Variants in GALNT14 observed in about 807,000 individuals in gnomAD.
GALNT14 encodes UDP-GalNAc:polypeptide N-acetylgalactosaminyltransferase 14.
In GALNT14, 60 loss-of-function variants were observed where a neutral mutation model predicts 77.5. The ratio of observed to expected loss-of-function variants is 0.77; its 90% CI spans 0.63 to 0.96. The LOEUF (loss-of-function observed/expected upper bound fraction) is 0.96. GALNT14 is among the 40% of genes least tolerant of loss of function. The pLI, the probability that GALNT14 is intolerant of heterozygous loss-of-function variation, is 0.00. For missense variants in GALNT14, 710 were observed against 731.0 expected (o/e 0.97, Z 0.33); for synonymous variants, 280 against 281.7 (o/e 0.99, Z 0.06).
intron 1 of GALNT14, among the ~76,000 whole-genome samples, chr2:31,114,308 A>G (rs1677990841): frequency 6.6e-6 from 1 of 152,032 alleles, no homozygotes; most frequent in Admixed American, 6.6e-5. Context: ...AAAGAGGACC[A>G]GAAGCTGGAG....
At chr2:30,953,411 C>A (rs960225804) in intron 6 of GALNT14, among the ~76,000 whole-genome samples, 6 of 150,550 alleles carry the variant, frequency 4.0e-5, no homozygotes, top group Admixed American at 2.0e-4. Context: ...CTGGTTCAAG[C>A]GATTCTCCTG....
chr2:30,944,392 G>A (rs1000119710), intron 8 of GALNT14, among the ~76,000 whole-genome samples: 10 of 152,202 alleles, frequency 6.6e-5, no homozygotes, highest in African/African-American at 2.4e-4. Context: ...TCATCTTCCT[G>A]CAGAGAACAG....
At chr2:30,974,369 C>T (rs572747734) in intron 2 of GALNT14, among the ~76,000 whole-genome samples, 11 of 152,246 alleles carry the variant, frequency 7.2e-5, no homozygotes, top group Non-Finnish European at 1.5e-4. Context: ...CATGCTGCAG[C>T]TAGAATGATC....
intron 1 of GALNT14, chr2:31,065,178 T>C (rs1674863899): frequency 6.6e-6 from 1 of 152,110 alleles, no homozygotes; most frequent in South Asian, 2.1e-4. Flanking sequence ...TCATTGGTTT[T>C]ATTATTTTAA....
intron 6 of GALNT14, among the ~76,000 whole-genome samples, chr2:30,946,874 G>A (rs1666727858): frequency 6.6e-6 from 1 of 152,132 alleles, no homozygotes; most frequent in Admixed American, 6.5e-5. Context: ...TTAGCTTCCA[G>A]ACCCAGATAT....
intron 2 of GALNT14, among the ~76,000 whole-genome samples, chr2:30,973,901 G>A (rs1408088954): frequency 1.3e-5 from 2 of 152,150 alleles, no homozygotes; most frequent in Non-Finnish European, 2.9e-5. Context: ...CACCTTTGAA[G>A]TGCTGAACAT....
chr2:30,903,595 A>G, the GALNT14 span, among the ~76,000 whole-genome samples: 1 of 152,200 alleles, frequency 6.6e-6, no homozygotes, highest in Non-Finnish European at 1.5e-5. Context: ...CTGCTGAGTG[A>G]GCTTGGAACA....
chr2:30,911,494 G>C (rs1402852300), intron 14 of GALNT14, among the ~76,000 whole-genome samples: 2 of 152,130 alleles, frequency 1.3e-5, no homozygotes, highest in Admixed American at 1.3e-4. Flanking sequence ...CCAGAGCAGA[G>C]AGGCAGGTCT....
At chr2:30,969,764 C>T (rs766897622) in intron 2 of GALNT14, among the ~76,000 whole-genome samples, 2 of 152,266 alleles carry the variant, frequency 1.3e-5, no homozygotes, top group Admixed American at 6.5e-5. Context: ...GCTGTGGGTA[C>T]GTGAGCCAAT....
chr2:31,126,340 G>A (rs564911349), intron 1 of GALNT14, among the ~76,000 whole-genome samples: 2 of 152,240 alleles, frequency 1.3e-5, no homozygotes, highest in Admixed American at 6.5e-5. Flanking sequence ...AGCTTGGGGT[G>A]AGCATATGGA....
intron 1 of GALNT14, among the ~76,000 whole-genome samples, chr2:31,134,105 C>T (rs557605466): frequency 6.6e-5 from 10 of 152,286 alleles, no homozygotes; most frequent in East Asian, 5.8e-4. Flanking sequence ...CCTAAGACCA[C>T]GAGGAAAAGA....
At position 31,114,598 on chromosome 2, in the gene GALNT14, A is replaced by G. The variant is rs550144788; in HGVS notation, c.129+23360T>C. ...CACACGCACACACAAGAGCAAAAAT[A>G]CAAAGAAATAAAAATCAGGGGCAAA... On this transcript the variant is annotated intron_variant, in intron 1 of 14. Coordinates refer to ENST00000349752, the MANE Select transcript of GALNT14 (RefSeq NM_024572.4). The G allele has an allele frequency of 3.9e-5, 24 of 613,238 alleles. 1 individual carries two copies. In the South Asian group the frequency reaches 4.8e-4, roughly 12 times the overall value. 38.0% of individuals were successfully genotyped at this position (613,238 alleles called of 1,614,324 possible).
Position 31,114,084 on chromosome 2 carries a change from G to C in GALNT14, c.129+23874C>G, listed in dbSNP as rs182460333. ...CACCCTGAATCCTTAAAAACTCTTA[G>C]TCTGTAAAAGAATGTGCCTCTGACC... On this transcript the variant is annotated intron_variant, in intron 1 of 14. Coordinates refer to ENST00000349752, the MANE Select transcript of GALNT14 (RefSeq NM_024572.4). Among the ~76,000 whole-genome samples, 12 of 152,250 alleles carry C rather than the reference G, an allele frequency of 7.9e-5. No homozygotes were observed. In the East Asian group the frequency reaches 2.3e-3, roughly 29 times the overall value.
chr2:31,027,886 C>CTGTGTGTGAGTGTG (rs1672163438), intron 1 of GALNT14, among the ~76,000 whole-genome samples: 1 of 141,776 alleles, frequency 7.1e-6, no homozygotes, highest in African/African-American at 2.6e-5. Context: ...CAGATGTATT[C>CTGTGTGTGAGTGTG]TGTGTGTGTG....
At position 30,944,869 on chromosome 2, in the gene GALNT14, C is replaced by T. The variant is rs139053216; in HGVS notation, c.816G>A (p.Thr272=). ...CTCTTCCCACTTACCTGATGGGCTCCGTGGGGTCCAGGCGCCGAGCCTTCT... is the reference window on the plus strand; with the variant it reads ...CTCTTCCCACTTACCTGATGGGCTCTGTGGGGTCCAGGCGCCGAGCCTTCT... The part of the protein sequence containing the change: ...PEQKARRLDP[T]EPIRTPIIAG... Residue 272 remains threonine (T), a synonymous_variant, in exon 8 of 15, where the codon ACG becomes ACA. Transcript: ENST00000349752. 44 of 1,607,840 alleles carry T rather than the reference C, an allele frequency of 2.7e-5. No individual in the cohort carries two copies. The highest frequency in any genetic ancestry group is 1.8e-4 in the East Asian group (8 of 44,800).
chr2:31,104,360 G>C (rs940523308), intron 1 of GALNT14, among the ~76,000 whole-genome samples: 1 of 152,110 alleles, frequency 6.6e-6, no homozygotes, highest in Non-Finnish European at 1.5e-5. Flanking sequence ...GATAGAAACA[G>C]ATATACATTT....
intron 1 of GALNT14, among the ~76,000 whole-genome samples, chr2:31,077,554 C>T (rs1675879225): frequency 6.6e-6 from 1 of 152,164 alleles, no homozygotes; most frequent in Non-Finnish European, 1.5e-5. Context: ...TCTGATAAGT[C>T]TATGAGCCCC....
chr2:30,911,851 A>G (rs1029760325), intron 14 of GALNT14, among the ~76,000 whole-genome samples: 2 of 152,190 alleles, frequency 1.3e-5, no homozygotes, highest in African/African-American at 4.8e-5. Flanking sequence ...TTTGGGGGAC[A>G]TACTGCCAGA....
Position 30,947,887 on chromosome 2 carries a change from C to T in GALNT14, c.655-2017G>A, listed in dbSNP as rs538884263. 7.9e-5 allele frequency among the ~76,000 whole-genome samples: 12 copies of T among 152,296 alleles called. No homozygotes were observed. In the South Asian group the frequency reaches 2.5e-3, roughly 32 times the overall value. ...AGGTGCCTCTGAAAACCAATTGGCCCACATGGAAAGAAATGCTCATTTTCA... is the reference window on the plus strand; with the variant it reads ...AGGTGCCTCTGAAAACCAATTGGCCTACATGGAAAGAAATGCTCATTTTCA... On this transcript the variant is annotated intron_variant, in intron 6 of 14. Transcript: ENST00000349752.
Sources: gnomAD v4.1 joint callset for allele counts (sites outside exome capture counted in the v4.1 genomes callset) on GRCh38, gnomAD v4.1.1 for gene constraint, MANE v1.5 for transcripts, NCBI Gene and HGNC (gene_info 2026-07-23, HGNC 2026-07-21) for gene names.